Variants in WDFY2 observed in about 807,000 individuals in gnomAD.
WDFY2 encodes the protein WD repeat and FYVE domain-containing protein 2.
A neutral mutation model predicts 56.4 loss-of-function variants in WDFY2; 36 were observed. The observed-to-expected ratio is 0.64, with a 90% CI of 0.49 to 0.84. WDFY2 has a LOEUF of 0.84. Among genes scored for constraint, WDFY2 ranks in the 40% least tolerant of loss-of-function variants. WDFY2 has a pLI of 0.00. For synonymous variants in WDFY2, 176 were observed against 183.7 expected, an observed-to-expected ratio of 0.96 and a Z score of 0.34; for missense variants, 444 against 512.2, an observed-to-expected ratio of 0.87 and a Z score of 1.29.
At chr13:51,603,920 T>C (rs895224774) in intron 1 of WDFY2, among the ~76,000 whole-genome samples, 5 of 152,144 alleles carry the variant, frequency 3.3e-5, no homozygotes, top group Non-Finnish European at 5.9e-5. Context: ...AGAAATATTA[T>C]ACAAGAGGGA....
intron 5 of WDFY2, 99 bp from the exon 6 acceptor site, chr13:51,727,579 A>T (rs570795488): frequency 9.1e-7 from 1 of 1,097,560 alleles, no homozygotes; most frequent in East Asian, 2.4e-5. Flanking sequence ...TTTTCCTCAG[A>T]TGGGATTTGC....
chr13:51,731,764 T>A (rs1354307397), intron 6 of WDFY2, among the ~76,000 whole-genome samples: 1 of 152,210 alleles, frequency 6.6e-6, no homozygotes, highest in African/African-American at 2.4e-5. Flanking sequence ...ACCCTAAAGT[T>A]AACCCAGTTC....
intron 1 of WDFY2, among the ~76,000 whole-genome samples, chr13:51,652,548 G>T (rs911086211): frequency 1.1e-4 from 17 of 152,226 alleles, no homozygotes; most frequent in African/African-American, 3.6e-4. Flanking sequence ...GGTATTGGTT[G>T]TTCCTTTCCA....
intron 3 of WDFY2, among the ~76,000 whole-genome samples, chr13:51,677,288 A>G (rs772685676): frequency 4.1e-4 from 63 of 152,228 alleles, no homozygotes; most frequent in Non-Finnish European, 5.3e-4. Context: ...CCTTAAAAGT[A>G]CCTCCTTTGT....
chr13:51,738,462 T>G (rs1209119081), intron 6 of WDFY2, among the ~76,000 whole-genome samples: 27 of 152,220 alleles, frequency 1.8e-4, no homozygotes, highest in Non-Finnish European at 4.4e-5. Flanking sequence ...TCATTCTTAG[T>G]AATAGTCATA....
intron 1 of WDFY2, among the ~76,000 whole-genome samples, chr13:51,640,169 C>CA (rs1955128436): frequency 6.6e-6 from 1 of 152,162 alleles, no homozygotes; most frequent in South Asian, 2.1e-4. Flanking sequence ...AAGTAAATGA[C>CA]AAAAGTGTTT....
intron 1 of WDFY2, among the ~76,000 whole-genome samples, chr13:51,651,632 T>A (rs1171274879): frequency 6.6e-6 from 1 of 152,228 alleles, no homozygotes; most frequent in African/African-American, 2.4e-5. Context: ...TTCTTGTTGG[T>A]TTCAAAGAAC....
At chr13:51,693,878 G>A (rs1028723462) in intron 3 of WDFY2, among the ~76,000 whole-genome samples, 3 of 152,042 alleles carry the variant, frequency 2.0e-5, no homozygotes, top group African/African-American at 7.3e-5. Flanking sequence ...TGTATTGGGT[G>A]CATATATATT....
chr13:51,694,648 C>T (rs1037351013), intron 3 of WDFY2, among the ~76,000 whole-genome samples: 1 of 152,114 alleles, frequency 6.6e-6, no homozygotes, highest in African/African-American at 2.4e-5. Flanking sequence ...GTGAATGTGA[C>T]AATTATGTGT....
chr13:51,752,472 G>A (rs1195878382), intron 8 of WDFY2, among the ~76,000 whole-genome samples: 1 of 152,212 alleles, frequency 6.6e-6, no homozygotes, highest in African/African-American at 2.4e-5. Context: ...GTTGGGTTCT[G>A]CACGGTAGCC....
intron 1 of WDFY2, among the ~76,000 whole-genome samples, chr13:51,634,725 T>G (rs140022863): frequency 0.011 from 1,657 of 152,056 alleles, 25 homozygotes; most frequent in African/African-American, 0.036. Context: ...GTTTTGTTTT[T>G]TTTTTCCCCA....
chr13:51,756,690 A>G (rs755388450), intron 10 of WDFY2: 1 of 974,080 alleles, frequency 1.0e-6, no homozygotes, highest in Non-Finnish European at 1.2e-6. Context: ...GTTCTTTCTA[A>G]TTTCTAGGTT....
At chr13:51,660,505 TATA>T in intron 1 of WDFY2, 88 bp from the exon 2 acceptor site, 1 of 1,299,220 alleles carries the variant, frequency 7.7e-7, no homozygotes, top group Non-Finnish European at 1.1e-6. Flanking sequence ...CCTCTCTATA[TATA>T]ATATTAAGAG....
intron 4 of WDFY2, among the ~76,000 whole-genome samples, chr13:51,716,171 AGG>A (rs1171837625): frequency 6.6e-6 from 1 of 152,216 alleles, no homozygotes; most frequent in Non-Finnish European, 1.5e-5. Context: ...CAGGAATAGG[AGG>A]GAATTCACAG....
At chr13:51,650,897 A>C (rs1356370253) in intron 1 of WDFY2, among the ~76,000 whole-genome samples, 1 of 152,144 alleles carries the variant, frequency 6.6e-6, no homozygotes, top group Non-Finnish European at 1.5e-5. Context: ...TGTCTCTGCC[A>C]GGCTTTGGTA....
intron 1 of WDFY2, among the ~76,000 whole-genome samples, chr13:51,596,081 G>A (rs1364348477): frequency 6.6e-6 from 1 of 152,214 alleles, no homozygotes; most frequent in East Asian, 1.9e-4. Flanking sequence ...TAGAATCTCA[G>A]TAACCTGTTT....
intron 3 of WDFY2, among the ~76,000 whole-genome samples, chr13:51,695,833 A>G (rs1951862075): frequency 6.6e-6 from 1 of 152,202 alleles, no homozygotes; most frequent in Non-Finnish European, 1.5e-5. Flanking sequence ...GGCTCCACCC[A>G]GTTGGAGCTT....
chr13:51,671,398 T>G (rs948450430), intron 2 of WDFY2, among the ~76,000 whole-genome samples: 1 of 152,210 alleles, frequency 6.6e-6, no homozygotes, highest in African/African-American at 2.4e-5. Flanking sequence ...ATTTTTTGAT[T>G]ATGGCCATTC....
chr13:51,610,153 T>G (rs1333293080), intron 1 of WDFY2, among the ~76,000 whole-genome samples: 1 of 151,986 alleles, frequency 6.6e-6, no homozygotes, highest in African/African-American at 2.4e-5. Flanking sequence ...TCATCCCTCA[T>G]CTGAAGTGGC....
Sources: allele counts gnomAD v4.1 joint callset (sites outside exome capture counted in the v4.1 genomes callset), GRCh38; gene constraint gnomAD v4.1.1; transcripts MANE v1.5; gene names NCBI Gene and HGNC (gene_info 2026-07-23, HGNC 2026-07-21).